SLC35F4: variants seen among roughly 807,000 people sequenced by gnomAD.
The protein encoded by SLC35F4 is solute carrier family 35 member F4.
In SLC35F4, 24 loss-of-function variants were observed where a neutral mutation model predicts 44.2. That is an observed-to-expected ratio of 0.54 (90% CI 0.39 to 0.76). The LOEUF is 0.76. Among genes scored for constraint, SLC35F4 ranks in the 30% least tolerant of loss-of-function variants. The probability of loss-of-function intolerance (pLI) is 0.00; values close to 1 mark genes in which losing one functional copy is unlikely to be tolerated. For missense variants in SLC35F4, 562 were observed against 586.1 expected (o/e 0.96, Z 0.42); for synonymous variants, 238 against 223.6 (o/e 1.06, Z -0.57).
intron 1 of SLC35F4, chr14:57,604,195 A>G (rs2071010308): frequency 6.6e-6 from 1 of 152,240 alleles, no homozygotes; most frequent in Non-Finnish European, 1.5e-5. Context: ...GGTCACTGTG[A>G]TAACGCCAAC....
downstream of SLC35F4, among the ~76,000 whole-genome samples, chr14:57,975,319 G>T (rs1260319936): frequency 6.6e-6 from 1 of 152,172 alleles, no homozygotes; most frequent in African/African-American, 2.4e-5. Flanking sequence ...TAAGCTGAAG[G>T]AAGTTTCTGC....
At chr14:57,574,319 T>C (rs2068668452) in intron 4 of SLC35F4, among the ~76,000 whole-genome samples, 1 of 152,242 alleles carries the variant, frequency 6.6e-6, no homozygotes, top group Admixed American at 6.5e-5. Flanking sequence ...TTACTCGTTA[T>C]ATTCAAGTGC....
intron 1 of SLC35F4, among the ~76,000 whole-genome samples, chr14:57,764,018 T>G (rs1415400961): frequency 2.0e-5 from 3 of 152,184 alleles, no homozygotes; most frequent in Non-Finnish European, 1.5e-5. Flanking sequence ...GTTGGGATGC[T>G]CTTTTTTAGA....
intron 1 of SLC35F4, among the ~76,000 whole-genome samples, chr14:57,708,658 G>C (rs1447026099): frequency 6.6e-6 from 1 of 152,148 alleles, no homozygotes; most frequent in Admixed American, 6.5e-5. Context: ...GTGCGGAGAC[G>C]AGAGATTGTA....
intron 7 of SLC35F4, among the ~76,000 whole-genome samples, chr14:57,565,198 G>A (rs763421221): frequency 4.6e-5 from 7 of 152,148 alleles, no homozygotes; most frequent in South Asian, 2.1e-4. Context: ...AAACATTTGC[G>A]TATGAGGATA....
chr14:57,728,441 C>CTTTTTTTTTTTTT (rs869064667), intron 1 of SLC35F4, among the ~76,000 whole-genome samples: 18 of 59,006 alleles, frequency 3.1e-4, no homozygotes, highest in African/African-American at 7.4e-4. Flanking sequence ...TTCTTTCTTT[C>CTTTTTTTTTTTTT]TTTTTTTTTT....
chr14:57,785,048 T>C (rs2077721424), intron 1 of SLC35F4, among the ~76,000 whole-genome samples: 1 of 152,258 alleles, frequency 6.6e-6, no homozygotes, highest in African/African-American at 2.4e-5. Flanking sequence ...TGGTAAGGCT[T>C]CCAGCCAACA....
intron 1 of SLC35F4, among the ~76,000 whole-genome samples, chr14:57,756,319 A>T (rs981684015): frequency 6.6e-6 from 1 of 151,948 alleles, no homozygotes; most frequent in Non-Finnish European, 1.5e-5. Flanking sequence ...GACATTTTTG[A>T]TCTATGGTTT....
intron 1 of SLC35F4, among the ~76,000 whole-genome samples, chr14:57,952,783 C>G (rs890779783): frequency 6.6e-6 from 1 of 151,910 alleles, no homozygotes. Context: ...AAATATGGGA[C>G]TATGTGAAAA....
At chr14:57,728,660 G>T (rs993980320) in intron 1 of SLC35F4, among the ~76,000 whole-genome samples, 2 of 151,820 alleles carry the variant, frequency 1.3e-5, no homozygotes, top group African/African-American at 4.8e-5. Context: ...AAGTTGGCCA[G>T]GCTAGTCTCA....
chr14:57,950,281 A>G (rs1890110219), intron 1 of SLC35F4, among the ~76,000 whole-genome samples: 1 of 151,880 alleles, frequency 6.6e-6, no homozygotes, highest in South Asian at 2.1e-4. Flanking sequence ...CTTGTCTTCA[A>G]GCTCTGAAGT....
intron 1 of SLC35F4, among the ~76,000 whole-genome samples, chr14:57,977,806 C>T (rs1037563402): frequency 6.6e-6 from 1 of 152,122 alleles, no homozygotes; most frequent in African/African-American, 2.4e-5. Context: ...GCTCTAAACC[C>T]CCAGGCAGGA....
intron 1 of SLC35F4, among the ~76,000 whole-genome samples, chr14:57,852,515 A>G (rs539407662): frequency 1.3e-5 from 2 of 152,344 alleles, no homozygotes; most frequent in Non-Finnish European, 2.9e-5. Flanking sequence ...CTGAAAGGTG[A>G]TCATGGTTCC....
At chr14:57,842,028 T>C (rs1566897147) in intron 1 of SLC35F4, among the ~76,000 whole-genome samples, 1 of 152,194 alleles carries the variant, frequency 6.6e-6, no homozygotes, top group African/African-American at 2.4e-5. Flanking sequence ...GGTAATTCTA[T>C]ATACTGAATT....
At chr14:57,899,705 C>G (rs74053865) in intron 1 of SLC35F4, among the ~76,000 whole-genome samples, 5,519 of 152,258 alleles carry the variant, frequency 0.036, 287 homozygotes, top group African/African-American at 0.11. Context: ...CTCCCTGTCT[C>G]TGGGCCCCAC....
chr14:57,964,989 A>ATATATATATATATAT (rs1351434287), intron 1 of SLC35F4, among the ~76,000 whole-genome samples: 25 of 127,902 alleles, frequency 2.0e-4, no homozygotes, highest in African/African-American at 8.2e-4. Context: ...AAAAAAAAAA[A>ATATATATATATATAT]AAATATATAT....
At chr14:57,889,856 A>G (rs570752286) in intron 1 of SLC35F4, among the ~76,000 whole-genome samples, 1 of 152,220 alleles carries the variant, frequency 6.6e-6, no homozygotes, top group African/African-American at 2.4e-5. Flanking sequence ...TTGTTCATTC[A>G]TTCATTCATC....
chr14:57,873,760 A>G (rs1270833894), intron 1 of SLC35F4, among the ~76,000 whole-genome samples: 1 of 147,428 alleles, frequency 6.8e-6, no homozygotes, highest in Non-Finnish European at 1.5e-5. Flanking sequence ...CACACACATG[A>G]CAAACCCTGA....
At chr14:57,789,242 C>T (rs2077849600) in intron 1 of SLC35F4, among the ~76,000 whole-genome samples, 1 of 151,924 alleles carries the variant, frequency 6.6e-6, no homozygotes, top group South Asian at 2.1e-4. Flanking sequence ...ATGAAATAGA[C>T]CACTAGCCAG....
Sources: allele counts gnomAD v4.1 joint callset (sites outside exome capture counted in the v4.1 genomes callset), GRCh38; gene constraint gnomAD v4.1.1; transcripts MANE v1.5; gene names NCBI Gene and HGNC (gene_info 2026-07-23, HGNC 2026-07-21).